Variants in PARD3 observed in about 807,000 individuals in gnomAD.
PARD3 encodes the protein par-3 family cell polarity regulator.
PARD3 carries 75 observed loss-of-function variants against 155.4 expected under a neutral mutation model. The ratio of observed to expected loss-of-function variants is 0.48; its 90% CI spans 0.40 to 0.58. The LOEUF (loss-of-function observed/expected upper bound fraction) is 0.58. Ranked by LOEUF, PARD3 falls within the 20% of genes least tolerant of loss-of-function variation. PARD3 has a pLI of 0.00. For synonymous variants in PARD3, 576 were observed against 610.5 expected, an observed-to-expected ratio of 0.94 and a Z score of 0.83; for missense variants, 1,642 against 1,721.7, an observed-to-expected ratio of 0.95 and a Z score of 0.82.
chr10:34,704,466 C>T (rs1291270898), intron 1 of PARD3, among the ~76,000 whole-genome samples: 2 of 152,062 alleles, frequency 1.3e-5, no homozygotes, highest in African/African-American at 4.8e-5. Flanking sequence ...CACAAACACA[C>T]ACAAAGAGAC....
intron 5 of PARD3, among the ~76,000 whole-genome samples, chr10:34,448,036 C>T (rs897421174): frequency 6.6e-5 from 10 of 151,962 alleles, no homozygotes; most frequent in African/African-American, 2.4e-4. Context: ...TTTGCAATTC[C>T]ATGTACACAG....
intron 5 of PARD3, among the ~76,000 whole-genome samples, chr10:34,441,580 T>G (rs1454416167): frequency 6.6e-6 from 1 of 152,178 alleles, no homozygotes; most frequent in Non-Finnish European, 1.5e-5. Flanking sequence ...CATCTGGTAC[T>G]CCTAAAAGTA....
intron 2 of PARD3, among the ~76,000 whole-genome samples, chr10:34,648,887 G>C (rs2092924335): frequency 6.6e-6 from 1 of 152,088 alleles, no homozygotes; most frequent in Non-Finnish European, 1.5e-5. Context: ...GCTGTTCTCT[G>C]GGGAATGGCC....
chr10:34,728,248 T>C (rs1216140846), intron 1 of PARD3, among the ~76,000 whole-genome samples: 2 of 152,220 alleles, frequency 1.3e-5, no homozygotes, highest in African/African-American at 2.4e-5. Flanking sequence ...TCTTGAATAT[T>C]TGACAAAATT....
chr10:34,681,495 A>G (rs79047994), intron 2 of PARD3, among the ~76,000 whole-genome samples: 3,084 of 151,534 alleles, frequency 0.02, 106 homozygotes, highest in African/African-American at 0.071. Context: ...TACATATGGG[A>G]CTTTTCTTGC....
intron 2 of PARD3, among the ~76,000 whole-genome samples, chr10:34,522,321 C>CT (rs2082198231): frequency 6.6e-6 from 1 of 152,100 alleles, no homozygotes; most frequent in Admixed American, 6.6e-5. Flanking sequence ...AGATTCTCCC[C>CT]TAGAGCCTCG....
intron 22 of PARD3, among the ~76,000 whole-genome samples, chr10:34,145,233 T>A (rs1308681689): frequency 2.2e-5 from 3 of 135,172 alleles, no homozygotes; most frequent in Non-Finnish European, 4.7e-5. Context: ...TTTTTTTTTT[T>A]TTTTTTTTAC....
chr10:34,603,738 G>A (rs773280296), intron 2 of PARD3, among the ~76,000 whole-genome samples: 1 of 152,158 alleles, frequency 6.6e-6, no homozygotes, highest in Non-Finnish European at 1.5e-5. Context: ...AATGAGCACA[G>A]AATGAAAACA....
intron 5 of PARD3, among the ~76,000 whole-genome samples, chr10:34,422,569 A>C (rs553251627): frequency 1.1e-4 from 16 of 152,264 alleles, no homozygotes; most frequent in Middle Eastern, 3.4e-3. Flanking sequence ...CAAAAAAAAA[A>C]CTCAAGCAAC....
intron 14 of PARD3, among the ~76,000 whole-genome samples, chr10:34,350,036 A>G (rs1037429549): frequency 2.6e-5 from 4 of 152,206 alleles, no homozygotes; most frequent in Admixed American, 6.5e-5. Flanking sequence ...CTCTCTACCC[A>G]TATTTAATTT....
intron 22 of PARD3, among the ~76,000 whole-genome samples, chr10:34,149,008 A>ATT (rs908091418): frequency 3.8e-4 from 58 of 152,334 alleles, no homozygotes; most frequent in Non-Finnish European, 6.8e-4. Flanking sequence ...TAAATGTCTA[A>ATT]GAAGACAGAA....
chr10:34,311,121 G>GA (rs1313508227), intron 20 of PARD3, among the ~76,000 whole-genome samples: 1 of 152,186 alleles, frequency 6.6e-6, no homozygotes, highest in African/African-American at 2.4e-5. Flanking sequence ...TACTAGAACT[G>GA]AGGGCTTTCA....
intron 2 of PARD3, among the ~76,000 whole-genome samples, chr10:34,565,702 CT>C (rs1385622871): frequency 6.6e-6 from 1 of 151,998 alleles, no homozygotes; most frequent in Admixed American, 6.5e-5. Flanking sequence ...GCTGTTTTAT[CT>C]TTATGGCATT....
intron 1 of PARD3, among the ~76,000 whole-genome samples, chr10:34,705,995 T>C (rs1280063706): frequency 6.6e-6 from 1 of 152,074 alleles, no homozygotes; most frequent in Non-Finnish European, 1.5e-5. Context: ...ACCTCCAAGA[T>C]CTGACATGAC....
At chr10:34,469,302 G>C (rs2078202589) in intron 4 of PARD3, among the ~76,000 whole-genome samples, 1 of 152,148 alleles carries the variant, frequency 6.6e-6, no homozygotes, top group Non-Finnish European at 1.5e-5. Flanking sequence ...GTGGAGATGG[G>C]GTTTTGCTAT....
chr10:34,186,498 G>A (rs931123082), intron 22 of PARD3, among the ~76,000 whole-genome samples: 7 of 151,990 alleles, frequency 4.6e-5, no homozygotes, highest in Non-Finnish European at 8.8e-5. Context: ...TCACCTCACT[G>A]TTGGACTGAG....
At chr10:34,501,106 T>C (rs1260068445) in intron 3 of PARD3, among the ~76,000 whole-genome samples, 1 of 152,090 alleles carries the variant, frequency 6.6e-6, no homozygotes, top group Non-Finnish European at 1.5e-5. Flanking sequence ...CTCACCTAAA[T>C]AAAAAATGGT....
chr10:34,421,204 T>C (rs909438316), intron 5 of PARD3, among the ~76,000 whole-genome samples: 2 of 151,978 alleles, frequency 1.3e-5, no homozygotes, highest in African/African-American at 2.4e-5. Context: ...CAAAGTATAA[T>C]TTATCTTTCC....
chr10:34,421,802 A>G (rs754197507), intron 5 of PARD3, among the ~76,000 whole-genome samples: 3 of 152,178 alleles, frequency 2.0e-5, no homozygotes, highest in Non-Finnish European at 4.4e-5. Flanking sequence ...TACACAATAA[A>G]TGTAAAGAAT....
Sources: allele counts gnomAD v4.1 joint callset (sites outside exome capture counted in the v4.1 genomes callset), GRCh38; gene constraint gnomAD v4.1.1; transcripts MANE v1.5; gene names NCBI Gene and HGNC (gene_info 2026-07-23, HGNC 2026-07-21).